FBXO11: variants seen among roughly 807,000 people sequenced by gnomAD.
FBXO11 encodes the protein F-box protein 11.
A neutral mutation model predicts 117.0 loss-of-function variants in FBXO11; 13 were observed. The ratio of observed to expected loss-of-function variants is 0.11; its 90% CI spans 0.07 to 0.18. The LOEUF is 0.18. Ranked by LOEUF, FBXO11 falls within the 10% of genes least tolerant of loss-of-function variation. The probability of loss-of-function intolerance (pLI) is 1.00; values close to 1 mark genes in which losing one functional copy is unlikely to be tolerated. For missense variants in FBXO11, 767 were observed against 1,164.4 expected (o/e 0.66, Z 4.97); for synonymous variants, 490 against 380.5 (o/e 1.29, Z -3.35).
At chr2:47,841,476 T>C (rs980473462) in intron 1 of FBXO11, among the ~76,000 whole-genome samples, 29 of 152,164 alleles carry the variant, frequency 1.9e-4, no homozygotes, top group Non-Finnish European at 5.9e-5. Context: ...CCACTACCTA[T>C]AAAGTCTGGC....
At chr2:47,837,963 T>A (rs935265163) in intron 4 of FBXO11, among the ~76,000 whole-genome samples, 1 of 151,188 alleles carries the variant, frequency 6.6e-6, no homozygotes, top group Non-Finnish European at 1.5e-5. Context: ...CAATGGCTCA[T>A]GCCTATAATC....
At chr2:47,876,947 T>C (rs1676049234) in intron 1 of FBXO11, among the ~76,000 whole-genome samples, 1 of 152,160 alleles carries the variant, frequency 6.6e-6, no homozygotes, top group Non-Finnish European at 1.5e-5. Flanking sequence ...TCTTACTACA[T>C]TCTGGGTGAA....
Position 47,807,284 on chromosome 2 carries a change from C to T in FBXO11, c.*834G>A. ...TTTTGAAGAGACTTTCTAAAGTGTA[C>T]TTAAAACATAGTAGTTTTTTACCTT... On this transcript the variant is annotated 3_prime_UTR_variant, in exon 23 of 23. Coordinates refer to ENST00000403359, the MANE Select transcript of FBXO11 (RefSeq NM_001190274.2). 1 of 220,368 alleles carries T rather than the reference C, an allele frequency of 4.5e-6. No individual in the cohort carries two copies. Among genetic ancestry groups the T allele is most frequent in the Non-Finnish European group, 9.1e-6 (1 of 109,882 alleles). 13.7% of individuals were successfully genotyped at this position (220,368 alleles called of 1,614,324 possible).
chr2:47,831,545 C>G (rs973375091), intron 11 of FBXO11, among the ~76,000 whole-genome samples: 8 of 151,824 alleles, frequency 5.3e-5, no homozygotes, highest in African/African-American at 1.9e-4. Flanking sequence ...TCACCATAAT[C>G]CTATTTGCTA....
chr2:47,853,074 A>G (rs1434911156), intron 1 of FBXO11, among the ~76,000 whole-genome samples: 1 of 151,256 alleles, frequency 6.6e-6, no homozygotes, highest in South Asian at 2.1e-4. Context: ...TAATTTGAAG[A>G]ATTTTTTTTT....
intron 1 of FBXO11, among the ~76,000 whole-genome samples, chr2:47,843,141 G>A (rs956628325): frequency 2.0e-5 from 3 of 152,130 alleles, no homozygotes; most frequent in Non-Finnish European, 2.9e-5. Flanking sequence ...AGTATGATAC[G>A]CCTAGGCATT....
chr2:47,824,670 C>T (rs1671618751), intron 11 of FBXO11, among the ~76,000 whole-genome samples: 1 of 152,066 alleles, frequency 6.6e-6, no homozygotes, highest in African/African-American at 2.4e-5. Flanking sequence ...TGTATAATCT[C>T]AATTTTGTTT....
At chr2:47,886,491 G>A (rs1676858655) in intron 1 of FBXO11, among the ~76,000 whole-genome samples, 1 of 145,540 alleles carries the variant, frequency 6.9e-6, no homozygotes, top group Admixed American at 6.8e-5. Context: ...GGGAGACAGA[G>A]CGAGACTCTC....
At chr2:47,895,452 C>A (rs1274250999) in intron 1 of FBXO11, among the ~76,000 whole-genome samples, 1 of 152,076 alleles carries the variant, frequency 6.6e-6, no homozygotes, top group Admixed American at 6.6e-5. Context: ...AAGAAACAGG[C>A]ACAAGTAATC....
chr2:47,821,208 A>G (rs917256571), intron 13 of FBXO11, among the ~76,000 whole-genome samples: 2 of 152,148 alleles, frequency 1.3e-5, no homozygotes, highest in Non-Finnish European at 2.9e-5. Flanking sequence ...GTGGTGGCTC[A>G]TACCTGTAAT....
At chr2:47,827,887 G>C (rs1270994785) in intron 11 of FBXO11, among the ~76,000 whole-genome samples, 1 of 149,464 alleles carries the variant, frequency 6.7e-6, no homozygotes, top group African/African-American at 2.5e-5. Flanking sequence ...AGTAGAGACG[G>C]GGTTTTGCCA....
At chr2:47,825,680 G>A (rs1382903594) in intron 11 of FBXO11, among the ~76,000 whole-genome samples, 2 of 147,400 alleles carry the variant, frequency 1.4e-5, no homozygotes, top group Non-Finnish European at 3.0e-5. Context: ...GGGCTCAAAC[G>A]ATCCTCCCCA....
At chr2:47,892,465 T>G (rs1269292891) in intron 1 of FBXO11, among the ~76,000 whole-genome samples, 3 of 152,184 alleles carry the variant, frequency 2.0e-5, no homozygotes, top group Non-Finnish European at 4.4e-5. Context: ...CCTCCCTACA[T>G]CCGGATCTTC....
intron 13 of FBXO11, among the ~76,000 whole-genome samples, chr2:47,821,591 TAGAG>T (rs1454691318): frequency 3.5e-5 from 5 of 142,152 alleles, no homozygotes; most frequent in Non-Finnish European, 4.6e-5. Context: ...GCCTGGGTGA[TAGAG>T]AGAGACTCCG....
intron 1 of FBXO11, among the ~76,000 whole-genome samples, chr2:47,875,641 C>G (rs1675946088): frequency 6.6e-6 from 1 of 151,920 alleles, no homozygotes; most frequent in Non-Finnish European, 1.5e-5. Flanking sequence ...GTCTAATGGA[C>G]TCATATGGTA....
At chr2:47,834,251 G>A (rs989177465) in intron 7 of FBXO11, among the ~76,000 whole-genome samples, 12 of 152,126 alleles carry the variant, frequency 7.9e-5, no homozygotes, top group African/African-American at 2.4e-4. Flanking sequence ...TTGAGAGGTT[G>A]AGGCATGAGA....
In FBXO11 at chr2:47,827,701, AT is replaced by A. The variant is rs34598751; in HGVS notation, c.1399-4342del. On this transcript the variant is annotated intron_variant, in intron 11 of 22. Transcript: ENST00000403359. Reference sequence around the variant, plus strand: ...ATAATACAGAACTGTAAGAAATTAGATTTTTTTTTTTTTTTGAGGTGGAGTT... The same window carrying A: ...ATAATACAGAACTGTAAGAAATTAGATTTTTTTTTTTTTTGAGGTGGAGTT... Among the ~76,000 whole-genome samples the A allele has an allele frequency of 5.6e-3, 757 of 136,364 alleles. 2 individuals are homozygous for A. Among genetic ancestry groups the A allele is most frequent in the East Asian group, 0.021 (95 of 4,526 alleles). 89.5% of individuals were successfully genotyped at this position (136,364 alleles called of 152,430 possible).
chr2:47,904,094 C>T (rs1678544043), intron 1 of FBXO11, among the ~76,000 whole-genome samples: 1 of 152,190 alleles, frequency 6.6e-6, no homozygotes, highest in African/African-American at 2.4e-5. Flanking sequence ...CATCTCCCTC[C>T]TTCATTTGTT....
At chr2:47,882,929 G>A (rs996395958) in intron 1 of FBXO11, among the ~76,000 whole-genome samples, 1 of 152,150 alleles carries the variant, frequency 6.6e-6, no homozygotes, top group South Asian at 2.1e-4. Context: ...GATTACAGGC[G>A]TGAGTCCCCA....
Sources: allele counts gnomAD v4.1 joint callset (sites outside exome capture counted in the v4.1 genomes callset), GRCh38; gene constraint gnomAD v4.1.1; transcripts MANE v1.5; gene names NCBI Gene and HGNC (gene_info 2026-07-23, HGNC 2026-07-21).